Variants in ICE1 observed in about 807,000 individuals in gnomAD.
The protein encoded by ICE1 is interactor of little elongation complex ELL subunit 1, also known as little elongation complex subunit 1.
ICE1 carries 64 observed loss-of-function variants against 192.7 expected under a neutral mutation model. The ratio of observed to expected loss-of-function variants is 0.33; its 90% CI spans 0.27 to 0.41. The LOEUF (loss-of-function observed/expected upper bound fraction) is 0.41, where lower values mean the gene tolerates loss of function less well. ICE1 is among the 10% of genes least tolerant of loss of function. The pLI is 1.00. For synonymous variants in ICE1, 1,010 were observed against 984.5 expected (o/e 1.03, Z -0.49); for missense variants, 2,708 against 2,696.0 (o/e 1.00, Z -0.10).
At chr5:5,434,010 C>T (rs2111337332) in intron 1 of ICE1, among the ~76,000 whole-genome samples, 1 of 151,368 alleles carries the variant, frequency 6.6e-6, no homozygotes. Flanking sequence ...ACATAGTGTT[C>T]AATTACTTTT....
chr5:5,431,534 T>C (rs976147387), intron 1 of ICE1, among the ~76,000 whole-genome samples: 5 of 152,190 alleles, frequency 3.3e-5, no homozygotes, highest in Admixed American at 6.5e-5. Context: ...TTTGAAAATA[T>C]TTATTGTGTA....
chr5:5,487,126 A>G (rs1739657668), intron 18 of ICE1, among the ~76,000 whole-genome samples: 1 of 152,130 alleles, frequency 6.6e-6, no homozygotes, highest in African/African-American at 2.4e-5. Context: ...ATCCCTGACA[A>G]GTGACTTAAC....
Position 5,457,215 on chromosome 5 carries a change from G to T in ICE1, c.692-117G>T, listed in dbSNP as rs975223554. On this transcript the variant is annotated intron_variant, in intron 11 of 18. Coordinates refer to ENST00000296564, the MANE Select transcript of ICE1 (RefSeq NM_015325.3). Reference sequence around the variant, plus strand: ...TTGGTTGCCTTTTAAAAAATTACTTGGACTTAATATTTCAAGCATTTTGAA... The same window carrying T: ...TTGGTTGCCTTTTAAAAAATTACTTTGACTTAATATTTCAAGCATTTTGAA... 55 of 994,448 alleles carry T rather than the reference G, an allele frequency of 5.5e-5. No individual in the cohort carries two copies. The African/African-American group carries it at 8.2e-4, about 15-fold the overall frequency. The allele number at this position is 994,448 out of a possible 1,614,324, so 61.6% of individuals were successfully genotyped here.
chr5:5,480,255 T>C (rs560989134), intron 17 of ICE1, among the ~76,000 whole-genome samples: 2 of 144,268 alleles, frequency 1.4e-5, no homozygotes, highest in African/African-American at 2.8e-5. Context: ...TTTTCTTTTT[T>C]TTTTTTTTTT....
At chr5:5,465,732 G>C (rs1019403130) in intron 13 of ICE1, among the ~76,000 whole-genome samples, 2 of 152,098 alleles carry the variant, frequency 1.3e-5, no homozygotes, top group African/African-American at 4.8e-5. Context: ...GTGCTAGACG[G>C]ATCACACTTA....
intron 14 of ICE1, among the ~76,000 whole-genome samples, 166 bp downstream of exon 14, chr5:5,466,668 A>G (rs1479111992): frequency 1.3e-5 from 2 of 152,232 alleles, no homozygotes; most frequent in Non-Finnish European, 2.9e-5. Flanking sequence ...GGTCTTTAGT[A>G]GGGCTTACTT....
Position 5,461,493 on chromosome 5 carries a change from G to T in ICE1, c.2159G>T (p.Ser720Ile). 1 of 1,613,886 alleles carries T rather than the reference G, an allele frequency of 6.2e-7. No individual in the cohort carries two copies. The highest frequency in any genetic ancestry group is 1.1e-5 in the South Asian group (1 of 91,058). Reference protein sequence around the residue: ...LGASNFNDQKSSGIEYTKVVK... With the variant: ...LGASNFNDQKISGIEYTKVVK... ...GCATCTAATTTTAATGATCAGAAGAGCAGTGGGATAGAATATACAAAAGTA... is the reference window on the plus strand; with the variant it reads ...GCATCTAATTTTAATGATCAGAAGATCAGTGGGATAGAATATACAAAAGTA... The change falls in exon 13 of 19, where the codon AGC becomes ATC. Residue 720 changes from serine (S) to isoleucine (I), a missense_variant. Physicochemically the swap from Ser to Ile is moderately radical, Grantham distance 142 (BLOSUM62 -2). Around this residue, in one of 2 missense-constraint regions of ICE1, gnomAD observed 2,366 missense variants for 2,276.6 expected, o/e 1.04. Transcript: ENST00000296564.
chr5:5,476,980 C>T (rs1739332459), intron 17 of ICE1, among the ~76,000 whole-genome samples: 1 of 152,084 alleles, frequency 6.6e-6, no homozygotes, highest in South Asian at 2.1e-4. Flanking sequence ...ACCTCAATGG[C>T]CATTTGGTTC....
intron 1 of ICE1, among the ~76,000 whole-genome samples, chr5:5,425,114 G>A (rs1415197883): frequency 6.6e-6 from 1 of 152,154 alleles, no homozygotes; most frequent in Non-Finnish European, 1.5e-5. Flanking sequence ...CTCATAACCT[G>A]TATCCAGTTT....
rs977923433 is a variant in ICE1, at chr5:5,476,021, A to G, written c.6462A>G (p.Gly2154=). The part of the protein sequence containing the change: ...VMDKWIKYRK[G]HANIAYTPDI... ...ATAAATGGATAAAATACAGAAAAGGACATGCAAACATTGCGTATACTCCTG... is the reference window on the plus strand; with the variant it reads ...ATAAATGGATAAAATACAGAAAAGGGCATGCAAACATTGCGTATACTCCTG... The change falls in exon 17 of 19, where the codon GGA becomes GGG. Residue 2154 remains glycine, a synonymous_variant. Transcript: ENST00000296564. The G allele has an allele frequency of 6.2e-7, 1 of 1,612,294 alleles. No individual in the cohort carries two copies. Among genetic ancestry groups the G allele is most frequent in the Non-Finnish European group, 8.5e-7 (1 of 1,178,874 alleles).
At chr5:5,430,813 G>C (rs761511721) in intron 1 of ICE1, among the ~76,000 whole-genome samples, 45 of 152,320 alleles carry the variant, frequency 3.0e-4, no homozygotes, top group Middle Eastern at 3.4e-3. Flanking sequence ...TTGAAGCTAA[G>C]CTGTGGTGTT....
chr5:5,467,243 G>T (rs536092520), intron 14 of ICE1, among the ~76,000 whole-genome samples: 37 of 152,162 alleles, frequency 2.4e-4, no homozygotes, highest in Non-Finnish European at 5.1e-4. Context: ...TCATTATGGA[G>T]TGAATGTTGG....
chr5:5,435,581 T>G (rs921655945), intron 1 of ICE1, among the ~76,000 whole-genome samples: 2 of 151,456 alleles, frequency 1.3e-5, no homozygotes, highest in Non-Finnish European at 1.5e-5. Flanking sequence ...TTTTAAAATC[T>G]TAGGAACATT....
Position 5,454,603 on chromosome 5 carries a change from A to G in ICE1, c.656A>G (p.His219Arg). ...CTCTGGCTCTGTGTAAACACAACAC[A>G]CAGACTACCTGGTGAAGGCAGCAGG... ...KELWLCVNTTHRLPGEGSRCV... is the reference protein window; with the variant it reads ...KELWLCVNTTRRLPGEGSRCV... The change falls in exon 11 of 19, where the codon CAC (histidine) becomes CGC (arginine). Residue 219 changes from histidine (H) to arginine (R), a missense_variant. Physicochemically the swap from His to Arg is conservative, Grantham distance 29. Around this residue, in one of 2 missense-constraint regions of ICE1, gnomAD observed 2,366 missense variants for 2,276.6 expected, o/e 1.04. Transcript: ENST00000296564. The G allele has an allele frequency of 6.2e-7, 1 of 1,613,652 alleles. No individual in the cohort carries two copies. The highest frequency in any genetic ancestry group is 8.5e-7 in the Non-Finnish European group (1 of 1,179,694).
rs1165975427 is a variant in ICE1, at chr5:5,444,332, T to C, written c.424+6T>C. On this transcript the variant is annotated splice_donor_region_variant and intron_variant, in intron 7 of 18. Transcript: ENST00000296564. ...TAAGGTGAAGAAGCTGCAAGGTAAG[T>C]GGCACTATTGTTACCTGAAGTTTTC... 17 of 1,562,758 alleles carry C rather than the reference T, an allele frequency of 1.1e-5. No homozygotes were observed. The highest frequency in any genetic ancestry group is 1.5e-5 in the Non-Finnish European group (17 of 1,151,140).
chr5:5,438,413 A>G (rs1561075903), intron 3 of ICE1, among the ~76,000 whole-genome samples: 2 of 152,210 alleles, frequency 1.3e-5, no homozygotes, highest in Non-Finnish European at 2.9e-5. Flanking sequence ...CTTTAGATTT[A>G]TTTTTACTAT....
chr5:5,442,383 T>A (rs1333144869), intron 5 of ICE1, among the ~76,000 whole-genome samples: 3 of 152,212 alleles, frequency 2.0e-5, no homozygotes, highest in East Asian at 1.9e-4. Flanking sequence ...ACATACTTAT[T>A]TTCCTCTTTA....
At chr5:5,445,028 C>G (rs1007759500) in intron 7 of ICE1, among the ~76,000 whole-genome samples, 1 of 152,212 alleles carries the variant, frequency 6.6e-6, no homozygotes, top group African/African-American at 2.4e-5. Flanking sequence ...ATCCTGCACA[C>G]GATCTTCCTG....
At chr5:5,446,218 A>G (rs1738219482) in intron 7 of ICE1, among the ~76,000 whole-genome samples, 1 of 150,624 alleles carries the variant, frequency 6.6e-6, no homozygotes, top group Non-Finnish European at 1.5e-5. Context: ...CTGGTCTTGA[A>G]CTCCTTGGCT....
Sources: gnomAD v4.1 joint callset for allele counts (sites outside exome capture counted in the v4.1 genomes callset) on GRCh38, gnomAD v4.1.1 for gene constraint, gnomAD v4.1.1 regional missense constraint, MANE v1.5 for transcripts, NCBI Gene and HGNC (gene_info 2026-07-23, HGNC 2026-07-21) for gene names.